RBFOX1: variants seen among roughly 807,000 people sequenced by gnomAD.
The protein encoded by RBFOX1 is RNA binding fox-1 homolog 1, also known as RNA binding protein fox-1 homolog 1.
A neutral mutation model predicts 57.7 loss-of-function variants in RBFOX1; 8 were observed. The ratio of observed to expected loss-of-function variants is 0.14; its 90% CI spans 0.08 to 0.25. The LOEUF (loss-of-function observed/expected upper bound fraction) is 0.25, where lower values mean the gene tolerates loss of function less well. RBFOX1 is among the 10% of genes least tolerant of loss of function. The pLI, the probability that RBFOX1 is intolerant of heterozygous loss-of-function variation, is 1.00. For missense variants in RBFOX1, 611 were observed against 548.5 expected, an observed-to-expected ratio of 1.11 and a Z score of -1.14; for synonymous variants, 326 against 222.4, an observed-to-expected ratio of 1.47 and a Z score of -4.15.
intron 2 of RBFOX1, among the ~76,000 whole-genome samples, chr16:6,397,205 T>C (rs2092875618): frequency 6.6e-6 from 1 of 152,096 alleles, no homozygotes; most frequent in Non-Finnish European, 1.5e-5. Flanking sequence ...AAGCAAAATA[T>C]AAAGACAAGC....
chr16:5,716,209 G>A (rs922207051), intron 3 of RBFOX1, among the ~76,000 whole-genome samples: 4 of 152,112 alleles, frequency 2.6e-5, no homozygotes, highest in African/African-American at 4.8e-5. Context: ...TTTGGTTGGC[G>A]TGAAAGTAAT....
chr16:7,157,931 C>G (rs760192747), intron 4 of RBFOX1, among the ~76,000 whole-genome samples: 2 of 152,118 alleles, frequency 1.3e-5, no homozygotes, highest in Non-Finnish European at 2.9e-5. Flanking sequence ...TTTGCTTTTT[C>G]TTAATTAAGC....
intron 4 of RBFOX1, among the ~76,000 whole-genome samples, chr16:7,499,892 A>G (rs879462053): frequency 7.2e-5 from 11 of 152,064 alleles, no homozygotes; most frequent in Non-Finnish European, 1.5e-4. Flanking sequence ...TCTGCAAAAA[A>G]AAGAAAAAAA....
At chr16:6,151,302 T>C (rs985211683) in intron 1 of RBFOX1, among the ~76,000 whole-genome samples, 1 of 152,178 alleles carries the variant, frequency 6.6e-6, no homozygotes, top group Admixed American at 6.5e-5. Flanking sequence ...TTTTCTTTTT[T>C]TGAGACGGAG....
intron 1 of RBFOX1, among the ~76,000 whole-genome samples, chr16:6,096,689 ACT>A (rs2096248794): frequency 6.6e-6 from 1 of 152,104 alleles, no homozygotes; most frequent in Non-Finnish European, 1.5e-5. Context: ...GATGTTTAAA[ACT>A]CTAACCATTG....
chr16:5,949,857 G>A (rs1219826141), intron 4 of RBFOX1, among the ~76,000 whole-genome samples: 1 of 152,184 alleles, frequency 6.6e-6, no homozygotes, highest in Non-Finnish European at 1.5e-5. Context: ...AAGCCCTGCA[G>A]GGGATTCTGA....
chr16:5,668,798 A>G (rs765972712), intron 3 of RBFOX1, among the ~76,000 whole-genome samples: 3 of 152,086 alleles, frequency 2.0e-5, no homozygotes, highest in Non-Finnish European at 4.4e-5. Context: ...TTATCTCGGA[A>G]ATGCTCGTAG....
chr16:7,473,121 T>C (rs1471436751), intron 4 of RBFOX1, among the ~76,000 whole-genome samples: 1 of 152,162 alleles, frequency 6.6e-6, no homozygotes, highest in Non-Finnish European at 1.5e-5. Flanking sequence ...CTCATGCCTG[T>C]AATCTCAGCC....
intron 3 of RBFOX1, among the ~76,000 whole-genome samples, chr16:6,665,639 A>C (rs2098727614): frequency 7.0e-6 from 1 of 143,668 alleles, no homozygotes; most frequent in Non-Finnish European, 1.5e-5. Flanking sequence ...AAAAAAAAAA[A>C]GAAGAAGGAG....
chr16:6,424,620 C>CGTGTGTGTGTGTGTGTGTGTGT (rs143990992), intron 2 of RBFOX1, among the ~76,000 whole-genome samples: 20 of 150,592 alleles, frequency 1.3e-4, no homozygotes, highest in African/African-American at 4.6e-4. Flanking sequence ...TGTGTGTGTG[C>CGTGTGTGTGTGTGTGTGTGTGT]GTGTGTGTGA....
In RBFOX1 at chr16:7,528,314, G is replaced by A. The variant is rs1365394256; in HGVS notation, c.270+9925G>A. 3.3e-5 allele frequency among the ~76,000 whole-genome samples: 5 copies of A among 152,240 alleles called. No homozygotes were observed. In the South Asian group the frequency reaches 6.2e-4, roughly 19 times the overall value. On this transcript the variant is annotated intron_variant, in intron 5 of 15. Transcript: ENST00000550418. ...TTATTGTCATCAGTTTACCCACTCA[G>A]GATGACTAAGCAGTCTCTATCTTTA...
At chr16:7,560,532 C>CAAAA (rs35756861) in intron 5 of RBFOX1, among the ~76,000 whole-genome samples, 1 of 135,898 alleles carries the variant, frequency 7.4e-6, no homozygotes, top group South Asian at 2.4e-4. Context: ...TGTAGAGTAT[C>CAAAA]AAAAAAAAAA....
intron 3 of RBFOX1, among the ~76,000 whole-genome samples, chr16:6,919,430 C>G (rs758502877): frequency 2.6e-4 from 38 of 146,090 alleles, no homozygotes; most frequent in Admixed American, 2.8e-4. Flanking sequence ...ATAAAGCTCC[C>G]CCAAACTGGA....
chr16:7,013,917 C>G (rs1437958470), intron 3 of RBFOX1, among the ~76,000 whole-genome samples: 2 of 152,134 alleles, frequency 1.3e-5, no homozygotes, highest in Non-Finnish European at 2.9e-5. Flanking sequence ...CTCAGCCTCC[C>G]AAAGGGCTGG....
intron 3 of RBFOX1, among the ~76,000 whole-genome samples, chr16:6,804,158 C>A (rs890047820): frequency 6.6e-6 from 1 of 152,144 alleles, no homozygotes. Context: ...CAGGTGCCCG[C>A]CACCATGCCC....
At chr16:7,094,161 G>A (rs80274024) in intron 4 of RBFOX1, among the ~76,000 whole-genome samples, 1 of 151,496 alleles carries the variant, frequency 6.6e-6, no homozygotes, top group Admixed American at 6.6e-5. Flanking sequence ...CAAACCTTCA[G>A]ACAAATACTT....
At chr16:7,263,237 A>T (rs2094991774) in intron 4 of RBFOX1, among the ~76,000 whole-genome samples, 1 of 152,186 alleles carries the variant, frequency 6.6e-6, no homozygotes, top group African/African-American at 2.4e-5. Flanking sequence ...CAGCACCAGG[A>T]AGGTACTAGG....
At chr16:7,074,939 G>A (rs943191869) in intron 4 of RBFOX1, among the ~76,000 whole-genome samples, 12 of 152,162 alleles carry the variant, frequency 7.9e-5, no homozygotes, top group Non-Finnish European at 1.3e-4. Context: ...ATTGGAAATG[G>A]TGAGGTTGGG....
intron 4 of RBFOX1, among the ~76,000 whole-genome samples, chr16:7,191,916 G>T (rs563591936): frequency 6.6e-6 from 1 of 152,196 alleles, no homozygotes; most frequent in Non-Finnish European, 1.5e-5. Flanking sequence ...TTCTATAATA[G>T]GAACATCATT....
Sources: gnomAD v4.1 joint callset for allele counts (sites outside exome capture counted in the v4.1 genomes callset) on GRCh38, gnomAD v4.1.1 for gene constraint, MANE v1.5 for transcripts, NCBI Gene and HGNC (gene_info 2026-07-23, HGNC 2026-07-21) for gene names.